Variants in GPR153 observed in about 807,000 individuals in gnomAD.
GPR153 encodes the protein G protein-coupled receptor 153, also known as probable G protein-coupled receptor 153.
GPR153 carries 27 observed loss-of-function variants against 34.1 expected under a neutral mutation model. That is an observed-to-expected ratio of 0.79 (90% confidence interval 0.58 to 1.09). GPR153 has a LOEUF of 1.09. GPR153 is among the 50% of genes least tolerant of loss of function. The probability of loss-of-function intolerance (pLI) is 0.00; values close to 1 mark genes in which losing one functional copy is unlikely to be tolerated. For missense variants in GPR153, 848 were observed against 860.2 expected (o/e 0.99, Z 0.18); for synonymous variants, 408 against 405.4 (o/e 1.01, Z -0.08).
rs570252149 is a variant in GPR153, at chr1:6,253,921, G to C, written c.583C>G (p.Leu195Val). The change falls in exon 3 of 6, where the codon CTC becomes GTC. Residue 195 changes from leucine (L) to valine (V), a missense_variant. Transcript: ENST00000377893. The part of the protein sequence containing the change: ...AMGVICTAIA[L>V]FQTLAVQVGR... ...ACCTGCACGGCCAGCGTCTGGAAGA[G>C]GGCGATGGCTGTGCAGATCACGCCC... 5.0e-6 allele frequency: 8 copies of C among 1,610,704 alleles called. No individual in the cohort carries two copies. The highest frequency in any genetic ancestry group is 2.2e-5 in the East Asian group (1 of 44,784).
At chr1:6,250,349 G>C in intron 5 of GPR153, 91 bp downstream of exon 5, 1 of 1,466,768 alleles carries the variant, frequency 6.8e-7, no homozygotes, top group South Asian at 1.4e-5. Context: ...ACTGCAGAAG[G>C]CGTGAGATGG....
rs1357099783 is a variant in GPR153 at position 6,249,258 on chromosome 1, G to T, written c.*80C>A. The T allele has an allele frequency of 9.5e-7, 1 of 1,047,702 alleles. No individual in the cohort carries two copies. Among genetic ancestry groups the T allele is most frequent in the Non-Finnish European group, 1.2e-6 (1 of 818,980 alleles). 64.9% of individuals were successfully genotyped at this position (1,047,702 alleles called of 1,614,324 possible). Reference sequence around the variant, plus strand: ...GGGGTGGCGCATGTCTGCGCGCGGGGCGGAGGCGGGCGTCTTTGGTGCTGC... The same window carrying T: ...GGGGTGGCGCATGTCTGCGCGCGGGTCGGAGGCGGGCGTCTTTGGTGCTGC... On this transcript the variant is annotated 3_prime_UTR_variant, in exon 6 of 6. Transcript: ENST00000377893. This position sits in a 1 kb window ranked among gnomAD's most constrained non-coding sequence, Gnocchi z 4.3.
intron 4 of GPR153, 150 bp from the exon 5 acceptor site, chr1:6,250,774 G>T: frequency 3.4e-6 from 2 of 582,194 alleles, no homozygotes; most frequent in South Asian, 2.1e-5. Flanking sequence ...AATGGGAGGG[G>T]TTCTGGGTTC....
intron 4 of GPR153, among the ~76,000 whole-genome samples, chr1:6,250,888 G>A (rs774969642): frequency 5.3e-5 from 8 of 152,208 alleles, no homozygotes; most frequent in African/African-American, 1.7e-4. Flanking sequence ...AGGTGACCTC[G>A]GGAGGACTAA....
chr1:6,249,598 CG>C lies in GPR153; in HGVS notation c.1569del (p.Ala524LeufsTer42). 1 of 1,152,406 alleles carries C rather than the reference CG, an allele frequency of 8.7e-7. No homozygotes were observed. Among genetic ancestry groups the C allele is most frequent in the African/African-American group, 1.6e-5 (1 of 61,234 alleles). 71.4% of individuals were successfully genotyped at this position (1,152,406 alleles called of 1,614,324 possible). On this transcript the variant is annotated frameshift_variant, in exon 6 of 6. Transcript: ENST00000377893. LOFTEE classifies it low-confidence loss of function (END_TRUNC). The surrounding 1 kb of genome is among the most constrained non-coding windows in gnomAD (Gnocchi z 4.3). The part of the protein sequence containing the change: ...QALRRPPGPF[P>X]AAPAAPDGAD... ...GCGCCGTCGGGGGCGGCGGGCGCAG[CG>C]GGGAAGGGCCCGGGCGGGCGGCGCA...
rs1169921862 is a variant in GPR153, at chr1:6,254,200, C to T, written c.357-53G>A. 4.5e-6 allele frequency: 7 copies of T among 1,540,790 alleles called. 1 individual carries two copies. Among genetic ancestry groups the T allele is most frequent in the South Asian group, 3.7e-5 (3 of 81,292 alleles). On this transcript the variant is annotated intron_variant, in intron 2 of 5. Coordinates refer to ENST00000377893, the MANE Select transcript of GPR153 (RefSeq NM_207370.4). ...GATCTGGCGTCACCCACAGGGCCTCCCCAGGCCTCTGGGGACCTGTAGGGG... is the reference window on the plus strand; with the variant it reads ...GATCTGGCGTCACCCACAGGGCCTCTCCAGGCCTCTGGGGACCTGTAGGGG...
In GPR153 at chr1:6,250,022, C is replaced by G; in HGVS notation, c.1165-19G>C. On this transcript the variant is annotated intron_variant, in intron 5 of 5. Transcript: ENST00000377893. ...GCGGGACCTGTCAGGACGCGGCTGG[C>G]TTTTACCCCGAGCTGCCCTCCTGGG... 1 of 1,256,768 alleles carries G rather than the reference C, an allele frequency of 8.0e-7. No homozygotes were observed. The highest frequency in any genetic ancestry group is 1.0e-6 in the Non-Finnish European group (1 of 994,440). The allele number at this position is 1,256,768 out of a possible 1,614,324, so 77.9% of individuals were successfully genotyped here.
In GPR153 at chr1:6,249,273, T is replaced by C; in HGVS notation, c.*65A>G. 8.7e-7 allele frequency: 1 copy of C among 1,151,514 alleles called. No individual in the cohort carries two copies. The allele number at this position is 1,151,514 out of a possible 1,614,324, so 71.3% of individuals were successfully genotyped here. A position where few individuals can be genotyped will look rare whatever the true frequency, so the allele number is the denominator to read the frequency against. ...TGCGCGCGGGGCGGAGGCGGGCGTCTTTGGTGCTGCGGCCCCGGAGAGCGG... is the reference window on the plus strand; with the variant it reads ...TGCGCGCGGGGCGGAGGCGGGCGTCCTTGGTGCTGCGGCCCCGGAGAGCGG... On this transcript the variant is annotated 3_prime_UTR_variant, in exon 6 of 6. Coordinates refer to ENST00000377893, the MANE Select transcript of GPR153 (RefSeq NM_207370.4). This position sits in a 1 kb window ranked among gnomAD's most constrained non-coding sequence, Gnocchi z 4.3.
At position 6,254,846 on chromosome 1, in the gene GPR153, G is replaced by A; in HGVS notation, c.60C>T (p.Leu20=). 6.2e-7 allele frequency: 1 copy of A among 1,607,522 alleles called. No individual in the cohort carries two copies. Residue 20 remains leucine, a synonymous_variant, in exon 2 of 6, where the codon CTC becomes CTT. Transcript: ENST00000377893. ...TGCCCCAGGCATTGGCCAGCAGGGAGAGGCCCCCACATACCAGCCAGCCCA... is the reference window on the plus strand; with the variant it reads ...TGCCCCAGGCATTGGCCAGCAGGGAAAGGCCCCCACATACCAGCCAGCCCA... ...SAVGWLVCGG[L]SLLANAWGIL...
Position 6,249,383 on chromosome 1 carries a change from C to T in GPR153, c.1785G>A (p.Ser595=). Residue 595 remains serine (S), a synonymous_variant, in exon 6 of 6, where the codon TCG becomes TCA. Coordinates refer to ENST00000377893, the MANE Select transcript of GPR153 (RefSeq NM_207370.4). The surrounding 1 kb of genome is among the most constrained non-coding windows in gnomAD (Gnocchi z 4.3). The part of the protein sequence containing the change: ...SSFLSSPSES[S]GYATLHSDSL... ...AGTCCGAGTGCAGCGTGGCGTAGCCCGAGGACTCGGAGGGGGAACTCAGGA... is the reference window on the plus strand; with the variant it reads ...AGTCCGAGTGCAGCGTGGCGTAGCCTGAGGACTCGGAGGGGGAACTCAGGA... 1.5e-6 allele frequency: 2 copies of T among 1,367,074 alleles called. No homozygotes were observed. The highest frequency in any genetic ancestry group is 3.6e-5 in the South Asian group (2 of 55,084). The allele number at this position is 1,367,074 out of a possible 1,614,324, so 84.7% of individuals were successfully genotyped here.
At chr1:6,260,619 G>A (rs1045728655) in intron 1 of GPR153, among the ~76,000 whole-genome samples, 1 of 151,898 alleles carries the variant, frequency 6.6e-6, no homozygotes, top group Non-Finnish European at 1.5e-5. Flanking sequence ...AGGCCCCGAT[G>A]CAGGGGGACG....
chr1:6,254,203 A>G, intron 2 of GPR153, 56 bp from the exon 3 acceptor site: 11 of 1,534,072 alleles, frequency 7.2e-6, no homozygotes, highest in Middle Eastern at 1.7e-4. Context: ...GGGCCTCCCC[A>G]GGCCTCTGGG....
intron 5 of GPR153, 42 bp downstream of exon 5, chr1:6,250,396 CCT>C (rs1385008508): frequency 5.2e-6 from 8 of 1,525,550 alleles, no homozygotes; most frequent in Middle Eastern, 2.0e-4. Context: ...CTCAGGACAC[CCT>C]GTCACCCGCA....
intron 1 of GPR153, among the ~76,000 whole-genome samples, chr1:6,256,935 C>T (rs1638579870): frequency 6.6e-6 from 1 of 152,232 alleles, no homozygotes; most frequent in Admixed American, 6.5e-5. Flanking sequence ...CTGCACTCTC[C>T]TCTCCACGCC....
Position 6,249,819 on chromosome 1 carries a change from G to A in GPR153, c.1349C>T (p.Ser450Phe). ...LLAFAEDAPPSRARRRSAESL... is the reference protein window; with the variant it reads ...LLAFAEDAPPFRARRRSAESL... ...CTCGGCCGAGCGGCGGCGCGCGCGG[G>A]ACGGTGGTGCGTCCTCCGCGAAGGC... The change falls in exon 6 of 6, where the codon TCC (serine) becomes TTC (phenylalanine). Residue 450 changes from serine to phenylalanine, a missense_variant. Ser to Phe is a radical substitution (Grantham distance 155, BLOSUM62 -2). Transcript: ENST00000377893. This position sits in a 1 kb window ranked among gnomAD's most constrained non-coding sequence, Gnocchi z 4.3. 2 of 1,214,992 alleles carry A rather than the reference G, an allele frequency of 1.6e-6. No homozygotes were observed. Among genetic ancestry groups the A allele is most frequent in the Non-Finnish European group, 2.0e-6 (2 of 977,238 alleles). 75.3% of individuals were successfully genotyped at this position (1,214,992 alleles called of 1,614,324 possible). A position where few individuals can be genotyped will look rare whatever the true frequency, so the allele number is the denominator to read the frequency against.
rs1193249679 is a variant in GPR153, at chr1:6,254,791, ACTT to A, written c.112_114del (p.Lys38del). 50 of 1,613,508 alleles carry A rather than the reference ACTT, an allele frequency of 3.1e-5. No homozygotes were observed. Among genetic ancestry groups the A allele is most frequent in the East Asian group, 1.3e-4 (6 of 44,880 alleles). ...CACAGCAGGAACTCCAAGGGCTTCC[ACTT>A]CTTCTGCTTGGCGCCAACGCTGAGG... On this transcript the variant is annotated inframe_deletion, in exon 2 of 6. Coordinates refer to ENST00000377893, the MANE Select transcript of GPR153 (RefSeq NM_207370.4).
chr1:6,260,158 G>A (rs1235674957), intron 1 of GPR153, among the ~76,000 whole-genome samples: 3 of 152,116 alleles, frequency 2.0e-5, no homozygotes, highest in African/African-American at 7.2e-5. Context: ...GCCCCATTGC[G>A]CAACAAAGAG....
rs185742523 is a variant in GPR153 at position 6,255,419 on chromosome 1, G to A, written c.-109-405C>T. ...TCACCATGTTGGCCAGGCTGGTCTC[G>A]ATCTCCTGACCTCGTAATCTGCCCG... On this transcript the variant is annotated intron_variant, in intron 1 of 5. Transcript: ENST00000377893. Among the ~76,000 whole-genome samples, 147 of 151,758 alleles carry A rather than the reference G, an allele frequency of 9.7e-4. 4 individuals are homozygous for A. Among genetic ancestry groups the A allele is most frequent in the African/African-American group, 3.2e-3 (131 of 41,344 alleles).
rs1571234370 is a variant in GPR153 at position 6,247,628 on chromosome 1, AAC to A, written c.*1708_*1709del. On this transcript the variant is annotated 3_prime_UTR_variant, in exon 6 of 6. Transcript: ENST00000377893. Reference sequence around the variant, plus strand: ...CTGCAAGTATTGCCGTTGGATATGAAACACACAGAGCAAAACCCCAAGGTGAC... The same window carrying A: ...CTGCAAGTATTGCCGTTGGATATGAAACACAGAGCAAAACCCCAAGGTGAC... The A allele has an allele frequency of 6.6e-6, 1 of 152,256 alleles. No individual in the cohort carries two copies. The highest frequency in any genetic ancestry group is 6.5e-5 in the Admixed American group (1 of 15,284). The allele number at this position is 152,256 out of a possible 1,614,324, so 9.4% of individuals were successfully genotyped here.
Sources: gnomAD v4.1 joint callset for allele counts (sites outside exome capture counted in the v4.1 genomes callset) on GRCh38, gnomAD v4.1.1 for gene constraint, Gnocchi (gnomAD v3.1) non-coding constraint, MANE v1.5 for transcripts, NCBI Gene and HGNC (gene_info 2026-07-23, HGNC 2026-07-21) for gene names.